The following SAP130 variants were observed in gnomAD, a reference collection of about 807,000 sequenced individuals.
The protein encoded by SAP130 is Sin3A associated protein 130.
Under a neutral mutation model 103.2 loss-of-function variants are expected in SAP130, and 16 were observed. The ratio of observed to expected loss-of-function variants is 0.16; its 90% CI spans 0.10 to 0.24. SAP130 has a LOEUF of 0.24. Among genes scored for constraint, SAP130 ranks in the 10% least tolerant of loss-of-function variants. SAP130 has a pLI of 1.00. For missense variants in SAP130, 990 were observed against 1,359.7 expected (o/e 0.73, Z 4.28); for synonymous variants, 477 against 497.0 (o/e 0.96, Z 0.53).
intron 3 of SAP130, 134 bp from the exon 4 acceptor site, chr2:128,016,681 A>G: frequency 1.1e-6 from 1 of 915,730 alleles, no homozygotes; most frequent in East Asian, 2.7e-5. Context: ...CATTTTATCT[A>G]TTATCATCAC....
chr2:127,983,544 A>C (rs1382641796), intron 14 of SAP130, among the ~76,000 whole-genome samples: 1 of 152,166 alleles, frequency 6.6e-6, no homozygotes, highest in Non-Finnish European at 1.5e-5. Flanking sequence ...GGGCAAGTTG[A>C]GTCCCAGGTT....
At position 127,942,636 on chromosome 2, in the gene SAP130, C is replaced by CT; in HGVS notation, c.2902-100dup. On this transcript the variant is annotated intron_variant, in intron 19 of 20. Coordinates refer to ENST00000643581, the MANE Select transcript of SAP130 (RefSeq NM_001330301.2). This position sits in a 1 kb window ranked among gnomAD's most constrained non-coding sequence, Gnocchi z 4.8. ...ACCTTCAATCACCTTTGTAAACTGT[C>CT]TAAGAGTTGTTTGGGTGACAACGTC... 2.8e-6 allele frequency: 2 copies of CT among 707,688 alleles called. No homozygotes were observed. Among genetic ancestry groups the CT allele is most frequent in the Non-Finnish European group, 5.0e-6 (2 of 399,656 alleles). 43.8% of individuals were successfully genotyped at this position (707,688 alleles called of 1,614,324 possible). A position where few individuals can be genotyped will look rare whatever the true frequency, so the allele number is the denominator to read the frequency against.
chr2:128,014,716 T>C (rs1684652337), intron 5 of SAP130, 87 bp downstream of exon 5: 1 of 928,308 alleles, frequency 1.1e-6, no homozygotes, highest in Non-Finnish European at 1.7e-6. Context: ...ACAAGCTGAT[T>C]CTAGATACAT....
intron 14 of SAP130, among the ~76,000 whole-genome samples, chr2:127,979,880 CTTTTTTTTT>C (rs754881410): frequency 7.2e-6 from 1 of 139,234 alleles, no homozygotes; most frequent in East Asian, 2.1e-4. Flanking sequence ...AAATTTTTTT[CTTTTTTTTT>C]TTTTTTGAGA....
chr2:128,015,706 C>T (rs1385925891), intron 4 of SAP130, among the ~76,000 whole-genome samples: 4 of 152,054 alleles, frequency 2.6e-5, no homozygotes, highest in African/African-American at 9.7e-5. Flanking sequence ...CTTTGGGAGG[C>T]CGAGGCGGGC....
intron 14 of SAP130, among the ~76,000 whole-genome samples, chr2:127,983,798 T>C (rs2104967104): frequency 6.6e-6 from 1 of 151,814 alleles, no homozygotes; most frequent in East Asian, 1.9e-4. Flanking sequence ...TTCTTTCAGT[T>C]TTGGTAATTT....
At chr2:127,971,836 CCT>C (rs1414272386) in intron 15 of SAP130, among the ~76,000 whole-genome samples, 1 of 152,092 alleles carries the variant, frequency 6.6e-6, no homozygotes, top group Non-Finnish European at 1.5e-5. Flanking sequence ...TCATCTGTCC[CCT>C]GTCAACATCT....
chr2:127,960,876 C>T (rs1047580572), intron 15 of SAP130, among the ~76,000 whole-genome samples: 5 of 152,098 alleles, frequency 3.3e-5, no homozygotes, highest in African/African-American at 1.2e-4. Context: ...TTTAGAGATG[C>T]TATGGTTTTA....
chr2:127,969,137 T>C (rs890060441), intron 15 of SAP130, among the ~76,000 whole-genome samples: 1 of 152,174 alleles, frequency 6.6e-6, no homozygotes, highest in Non-Finnish European at 1.5e-5. Context: ...CAATGCTAAA[T>C]GACTCAGTGT....
chr2:128,016,582 G>T (rs748416222), intron 3 of SAP130, 35 bp from the exon 4 acceptor site: 6 of 1,577,490 alleles, frequency 3.8e-6, no homozygotes, highest in Middle Eastern at 1.7e-4. Context: ...CATATCAATG[G>T]CCTCATACTG....
chr2:128,018,354 G>GT (rs1203460343), intron 2 of SAP130, among the ~76,000 whole-genome samples: 4 of 141,842 alleles, frequency 2.8e-5, no homozygotes, highest in African/African-American at 8.6e-5. Context: ...CAAAAACCAC[G>GT]TTTTTTTGTA....
intron 15 of SAP130, among the ~76,000 whole-genome samples, chr2:127,964,838 A>T (rs1005288620): frequency 5.3e-5 from 8 of 152,088 alleles, no homozygotes; most frequent in Non-Finnish European, 1.0e-4. Flanking sequence ...CTCTACTAAA[A>T]ATTCAAAAAT....
At chr2:128,012,331 A>G (rs1684456649) in intron 6 of SAP130, among the ~76,000 whole-genome samples, 1 of 152,002 alleles carries the variant, frequency 6.6e-6, no homozygotes, top group Non-Finnish European at 1.5e-5. Context: ...TTAGCCGGGC[A>G]TGGTGGTGCA....
At chr2:127,951,605 A>G (rs1157776387) in intron 16 of SAP130, among the ~76,000 whole-genome samples, 1 of 152,124 alleles carries the variant, frequency 6.6e-6, no homozygotes, top group African/African-American at 2.4e-5. Flanking sequence ...TCTGAACCCT[A>G]TAATCACTGT....
intron 15 of SAP130, among the ~76,000 whole-genome samples, chr2:127,968,864 A>G (rs1221450001): frequency 6.6e-6 from 1 of 152,036 alleles, no homozygotes; most frequent in African/African-American, 2.4e-5. Context: ...TTACTTTCTT[A>G]CGTCTAGACC....
At chr2:128,013,530 C>T (rs1239351778) in intron 5 of SAP130, among the ~76,000 whole-genome samples, 2 of 152,168 alleles carry the variant, frequency 1.3e-5, no homozygotes, top group African/African-American at 4.8e-5. Context: ...CAAAGGGACA[C>T]ATTATGAACC....
rs200212947 is a variant in SAP130, at chr2:128,016,539, C to T, written c.357G>A (p.Pro119=). 3.8e-4 allele frequency: 604 copies of T among 1,610,088 alleles called. 2 individuals are homozygous for T. The highest frequency in any genetic ancestry group is 2.6e-4 in the Non-Finnish European group (302 of 1,177,940). ...TGGGACGGCTAGGCATGGTGGGCTT[C>T]GGGGGCGGCTGCAAACAGAAAACCA... ...SFSEGLMKPP[P]KPTMPSRPIA... The change falls in exon 4 of 21, where the codon CCG becomes CCA. Residue 119 remains proline, a synonymous_variant. Transcript: ENST00000643581.
intron 15 of SAP130, among the ~76,000 whole-genome samples, chr2:127,973,683 A>G (rs1681252511): frequency 6.6e-6 from 1 of 152,192 alleles, no homozygotes; most frequent in African/African-American, 2.4e-5. Flanking sequence ...ATGCTCAGGT[A>G]AAATTTGGGA....
chr2:127,950,867 G>T (rs1679452866), intron 16 of SAP130, among the ~76,000 whole-genome samples: 1 of 152,184 alleles, frequency 6.6e-6, no homozygotes. Flanking sequence ...CCTAGGGGTG[G>T]TGGAGCAAAG....
Sources: allele counts gnomAD v4.1 joint callset (sites outside exome capture counted in the v4.1 genomes callset), GRCh38; gene constraint gnomAD v4.1.1; non-coding constraint Gnocchi (gnomAD v3.1); transcripts MANE v1.5; gene names NCBI Gene and HGNC (gene_info 2026-07-23, HGNC 2026-07-21).